Variants in TMEM233 observed in about 807,000 individuals in gnomAD.
TMEM233 encodes dispanin subfamily B member 2.
In TMEM233, 6 loss-of-function variants were observed where a neutral mutation model predicts 11.2. The ratio of observed to expected loss-of-function variants is 0.54; its 90% CI spans 0.29 to 1.06. The LOEUF (loss-of-function observed/expected upper bound fraction) is 1.06, where lower values mean the gene tolerates loss of function less well. TMEM233 is among the 50% of genes least tolerant of loss of function. The pLI is 0.08. For missense variants in TMEM233, 127 were observed against 144.7 expected (o/e 0.88, Z 0.63); for synonymous variants, 59 against 55.8 (o/e 1.06, Z -0.26).
intron 1 of TMEM233, among the ~76,000 whole-genome samples, chr12:119,609,647 A>G (rs1226622322): frequency 1.3e-5 from 2 of 152,238 alleles, no homozygotes; most frequent in Admixed American, 1.3e-4. Context: ...GGGACAAAGT[A>G]TAGCTTGGGC....
At chr12:119,612,992 G>A (rs1295419922) in intron 1 of TMEM233, among the ~76,000 whole-genome samples, 1 of 151,874 alleles carries the variant, frequency 6.6e-6, no homozygotes, top group Non-Finnish European at 1.5e-5. Flanking sequence ...TTAAGTTCTA[G>A]GGTACATGTG....
At chr12:119,605,197 T>A (rs986187248) in intron 1 of TMEM233, among the ~76,000 whole-genome samples, 2 of 152,068 alleles carry the variant, frequency 1.3e-5, no homozygotes, top group African/African-American at 4.8e-5. Flanking sequence ...ATTATAACAT[T>A]TATACATTTG....
At chr12:119,602,559 A>T (rs1954189331) in intron 1 of TMEM233, among the ~76,000 whole-genome samples, 1 of 152,192 alleles carries the variant, frequency 6.6e-6, no homozygotes, top group Admixed American at 6.5e-5. Context: ...CGCATTCCAG[A>T]TACCCATAGA....
the TMEM233 span, among the ~76,000 whole-genome samples, chr12:119,650,030 C>G: frequency 6.6e-6 from 1 of 151,712 alleles, no homozygotes. Context: ...CGGTGGCGGG[C>G]GCCTGTACTC....
chr12:119,593,788 A>C lies in TMEM233; in HGVS notation c.-61A>C. ...AGAGCCTCGCCACAAGCCGGCGGCC[A>C]GAGCCCCAGACCACACAGACCGTGC... On this transcript the variant is annotated 5_prime_UTR_variant, in exon 1 of 3. Transcript: ENST00000426426. This position sits in a 1 kb window ranked among gnomAD's most constrained non-coding sequence, Gnocchi z 4.1. 32 of 1,483,812 alleles carry C rather than the reference A, an allele frequency of 2.2e-5. No individual in the cohort carries two copies. The highest frequency in any genetic ancestry group is 2.6e-5 in the Non-Finnish European group (29 of 1,107,194). The allele number at this position is 1,483,812 out of a possible 1,614,324, so 91.9% of individuals were successfully genotyped here.
intron 2 of TMEM233, among the ~76,000 whole-genome samples, chr12:119,637,154 T>G (rs549548446): frequency 7.2e-5 from 11 of 152,328 alleles, no homozygotes; most frequent in African/African-American, 2.6e-4. Flanking sequence ...TTTTTTTGTT[T>G]TTGAGGAACA....
chr12:119,648,905 G>A, the TMEM233 span, among the ~76,000 whole-genome samples: 3 of 152,216 alleles, frequency 2.0e-5, no homozygotes, highest in Non-Finnish European at 4.4e-5. Flanking sequence ...GGTATTGGCT[G>A]TAAATCCTGT....
intron 2 of TMEM233, chr12:119,631,403 C>A: frequency 1.5e-6 from 1 of 645,226 alleles, no homozygotes; most frequent in Non-Finnish European, 1.9e-6. Context: ...AGAAGGCAGA[C>A]CCAGGAACAA....
intron 2 of TMEM233, among the ~76,000 whole-genome samples, chr12:119,635,882 G>A (rs1035705826): frequency 8.5e-5 from 13 of 152,234 alleles, no homozygotes; most frequent in African/African-American, 2.7e-4. Context: ...TCAGATGGAA[G>A]AGATGCATAG....
intron 1 of TMEM233, among the ~76,000 whole-genome samples, chr12:119,607,793 C>A (rs981296677): frequency 1.3e-5 from 2 of 151,970 alleles, no homozygotes; most frequent in Non-Finnish European, 2.9e-5. Flanking sequence ...CTTTGTATTT[C>A]TTGCTGGTCT....
chr12:119,632,862 T>C (rs1954912672), intron 2 of TMEM233, among the ~76,000 whole-genome samples: 1 of 152,198 alleles, frequency 6.6e-6, no homozygotes, highest in South Asian at 2.1e-4. Context: ...ACTATCTACT[T>C]TGCAGTCTCT....
chr12:119,640,606 A>G, intron 2 of TMEM233, 93 bp from the exon 3 acceptor site: 1 of 1,390,476 alleles, frequency 7.2e-7, no homozygotes, highest in Non-Finnish European at 9.9e-7. Context: ...CAGAGTCATC[A>G]TCATCAAATA....
Position 119,594,184 on chromosome 12 carries a change from T to C in TMEM233, c.186+150T>C. The C allele has an allele frequency of 1.4e-6, 1 of 737,170 alleles. No individual in the cohort carries two copies. The highest frequency in any genetic ancestry group is 2.2e-6 in the Non-Finnish European group (1 of 456,718). 45.7% of individuals were successfully genotyped at this position (737,170 alleles called of 1,614,324 possible). A position where few individuals can be genotyped will look rare whatever the true frequency, so the allele number is the denominator to read the frequency against. On this transcript the variant is annotated intron_variant, in intron 1 of 2. Transcript: ENST00000426426. The surrounding 1 kb of genome is among the most constrained non-coding windows in gnomAD (Gnocchi z 5.6). Reference sequence around the variant, plus strand: ...TTGTCCTCGCACCTCCTCCTCACCTTTCTCGGGCTCTCAGAGCTCTCCCCG... The same window carrying C: ...TTGTCCTCGCACCTCCTCCTCACCTCTCTCGGGCTCTCAGAGCTCTCCCCG...
At chr12:119,627,335 G>T (rs1221242256) in intron 1 of TMEM233, among the ~76,000 whole-genome samples, 1 of 149,356 alleles carries the variant, frequency 6.7e-6, no homozygotes, top group Non-Finnish European at 1.5e-5. Flanking sequence ...TAGCACAAAA[G>T]TAGTGTGTCA....
At chr12:119,630,765 G>A (rs140599193) in intron 2 of TMEM233, among the ~76,000 whole-genome samples, 4 of 152,354 alleles carry the variant, frequency 2.6e-5, no homozygotes, top group Admixed American at 6.5e-5. Flanking sequence ...AACTGTAAGA[G>A]GGTAGGAAAT....
rs1189781729 is a variant in TMEM233 at position 119,642,943 on chromosome 12, A to C, written c.*2238A>C. 1 of 152,312 alleles carries C rather than the reference A, an allele frequency of 6.6e-6. No individual in the cohort carries two copies. Among genetic ancestry groups the C allele is most frequent in the Non-Finnish European group, 1.5e-5 (1 of 68,014 alleles). 9.4% of individuals were successfully genotyped at this position (152,312 alleles called of 1,614,324 possible). ...AGAGATTCTAGCATCATTCCAATAG[A>C]TTGGACCCTGATTTCTGTTTCTGAC... On this transcript the variant is annotated 3_prime_UTR_variant, in exon 3 of 3. Coordinates refer to ENST00000426426, the MANE Select transcript of TMEM233 (RefSeq NM_001136534.3).
At chr12:119,608,849 C>T (rs1954337415) in intron 1 of TMEM233, among the ~76,000 whole-genome samples, 1 of 152,124 alleles carries the variant, frequency 6.6e-6, no homozygotes, top group African/African-American at 2.4e-5. Flanking sequence ...GTTTGAATAC[C>T]TGCTATATGC....
chr12:119,638,773 A>G (rs1254637744), intron 2 of TMEM233, among the ~76,000 whole-genome samples: 2 of 152,152 alleles, frequency 1.3e-5, no homozygotes, highest in Non-Finnish European at 2.9e-5. Context: ...GCCCTGGTTC[A>G]TACCTGTAAT....
At chr12:119,600,605 C>G (rs1954143547) in intron 1 of TMEM233, among the ~76,000 whole-genome samples, 1 of 152,098 alleles carries the variant, frequency 6.6e-6, no homozygotes. Flanking sequence ...ATTATTCAGT[C>G]TTTAAAAGGA....
Sources: allele counts gnomAD v4.1 joint callset (sites outside exome capture counted in the v4.1 genomes callset), GRCh38; gene constraint gnomAD v4.1.1; non-coding constraint Gnocchi (gnomAD v3.1); transcripts MANE v1.5; gene names NCBI Gene and HGNC (gene_info 2026-07-23, HGNC 2026-07-21).